LSAMP: variants seen among roughly 807,000 people sequenced by gnomAD.
The protein encoded by LSAMP is limbic system-associated membrane protein.
Under a neutral mutation model 38.6 loss-of-function variants are expected in LSAMP, and 7 were observed. The ratio of observed to expected loss-of-function variants is 0.18; its 90% confidence interval spans 0.10 to 0.34. LSAMP has a LOEUF of 0.34. LSAMP is among the 10% of genes least tolerant of loss of function. The pLI is 1.00. For synonymous variants in LSAMP, 154 were observed against 166.8 expected, an observed-to-expected ratio of 0.92 and a Z score of 0.59; for missense variants, 313 against 420.0, an observed-to-expected ratio of 0.75 and a Z score of 2.23.
intron 3 of LSAMP, among the ~76,000 whole-genome samples, chr3:115,872,292 C>T (rs562315439): frequency 6.6e-6 from 1 of 152,240 alleles, no homozygotes; most frequent in South Asian, 2.1e-4. Context: ...CTCCATTCTC[C>T]TAAATCAAAG....
intron 1 of LSAMP, among the ~76,000 whole-genome samples, chr3:116,331,933 G>A (rs2047858459): frequency 6.6e-6 from 1 of 151,928 alleles, no homozygotes; most frequent in East Asian, 1.9e-4. Context: ...GAAGATCTGG[G>A]CTCAAAAAGT....
At chr3:116,086,589 A>C in intron 1 of LSAMP, 33 bp from the exon 2 acceptor site, 1 of 1,527,976 alleles carries the variant, frequency 6.5e-7, no homozygotes, top group South Asian at 1.1e-5. Flanking sequence ...TTAGTGCCTT[A>C]ACAACAACTA....
At chr3:116,089,794 A>C (rs894013862) in intron 1 of LSAMP, among the ~76,000 whole-genome samples, 1 of 152,112 alleles carries the variant, frequency 6.6e-6, no homozygotes, top group Admixed American at 6.5e-5. Context: ...CAATGGAAAA[A>C]AAATAAATAA....
intron 2 of LSAMP, among the ~76,000 whole-genome samples, chr3:116,045,209 T>A (rs1941264374): frequency 6.6e-6 from 1 of 152,220 alleles, no homozygotes. Context: ...GCATGTAGAA[T>A]AAAAGAGAAG....
At chr3:116,412,845 T>C (rs1328286875) in intron 1 of LSAMP, among the ~76,000 whole-genome samples, 1 of 152,104 alleles carries the variant, frequency 6.6e-6, no homozygotes, top group Non-Finnish European at 1.5e-5. Context: ...ATCAGTATAG[T>C]ATTGGAAAGA....
At chr3:115,830,991 G>A (rs757523370) in intron 6 of LSAMP, among the ~76,000 whole-genome samples, 2 of 152,148 alleles carry the variant, frequency 1.3e-5, no homozygotes, top group Non-Finnish European at 2.9e-5. Flanking sequence ...GCTTGTTTGT[G>A]GTTTGGATTT....
intron 1 of LSAMP, among the ~76,000 whole-genome samples, chr3:116,412,782 A>G: frequency 6.6e-6 from 1 of 152,134 alleles, no homozygotes; most frequent in East Asian, 1.9e-4. Context: ...CCTAAACATC[A>G]AAAAGAAAAT....
chr3:115,802,918 G>C lies in LSAMP; in HGVS notation c.*7399C>G, dbSNP rs1933548338. 6.6e-6 allele frequency: 1 copy of C among 152,078 alleles called. No individual in the cohort carries two copies. Among genetic ancestry groups the C allele is most frequent in the East Asian group, 1.9e-4 (1 of 5,174 alleles). The allele number at this position is 152,078 out of a possible 1,614,324, so 9.4% of individuals were successfully genotyped here. ...CCTCCCTACTCCAAGTAAATACTTAGGGAGCAGAACTTGGCCACAGTTCAC... is the reference window on the plus strand; with the variant it reads ...CCTCCCTACTCCAAGTAAATACTTACGGAGCAGAACTTGGCCACAGTTCAC... On this transcript the variant is annotated 3_prime_UTR_variant, in exon 7 of 7. Coordinates refer to ENST00000490035, the MANE Select transcript of LSAMP (RefSeq NM_002338.5).
intron 2 of LSAMP, among the ~76,000 whole-genome samples, chr3:116,057,957 C>CACACACACACACACACACACCCA (rs1553699978): frequency 8.5e-6 from 1 of 117,482 alleles, no homozygotes; most frequent in African/African-American, 2.8e-5. Flanking sequence ...ACACACACAC[C>CACACACACACACACACACACCCA]CACACACACA....
intron 1 of LSAMP, among the ~76,000 whole-genome samples, chr3:116,264,886 A>G (rs536098891): frequency 6.6e-6 from 1 of 152,264 alleles, no homozygotes; most frequent in Admixed American, 6.5e-5. Context: ...GGGAAAAAAA[A>G]AAGAGTTTTC....
chr3:115,903,041 A>G (rs1453554973), intron 3 of LSAMP, among the ~76,000 whole-genome samples: 1 of 152,162 alleles, frequency 6.6e-6, no homozygotes, highest in Non-Finnish European at 1.5e-5. Context: ...GCACGCATAT[A>G]TTCACTGCAG....
chr3:116,174,045 T>C (rs889552106), intron 1 of LSAMP, among the ~76,000 whole-genome samples: 2 of 152,002 alleles, frequency 1.3e-5, no homozygotes, highest in African/African-American at 2.4e-5. Flanking sequence ...GATTTGTGCA[T>C]TGTCACAGGT....
At chr3:115,922,242 T>C (rs1303084418) in intron 3 of LSAMP, among the ~76,000 whole-genome samples, 1 of 152,070 alleles carries the variant, frequency 6.6e-6, no homozygotes, top group Non-Finnish European at 1.5e-5. Context: ...ATAAGTGCCT[T>C]AGGTTTTCTT....
intron 1 of LSAMP, among the ~76,000 whole-genome samples, chr3:116,243,209 C>T (rs954657691): frequency 2.0e-5 from 3 of 152,092 alleles, no homozygotes; most frequent in African/African-American, 7.2e-5. Context: ...CCCAAGATAT[C>T]AACTGAGGCA....
intron 1 of LSAMP, among the ~76,000 whole-genome samples, chr3:116,087,459 A>G (rs1708017422): frequency 1.3e-5 from 2 of 152,224 alleles, no homozygotes; most frequent in Admixed American, 6.5e-5. Context: ...AGAGTCTTGC[A>G]ATGGAAAAAT....
At chr3:116,216,560 G>T (rs1220685383) in intron 1 of LSAMP, among the ~76,000 whole-genome samples, 1 of 142,474 alleles carries the variant, frequency 7.0e-6, no homozygotes, top group Non-Finnish European at 1.6e-5. Context: ...CAAAGAATGA[G>T]AAAAAAAAAA....
chr3:116,273,063 C>G (rs1576474150), intron 1 of LSAMP, among the ~76,000 whole-genome samples: 1 of 152,048 alleles, frequency 6.6e-6, no homozygotes, highest in Admixed American at 6.6e-5. Context: ...TCACTGTTCG[C>G]TCAAAGGTCA....
chr3:115,812,840 G>T (rs1255178559), intron 6 of LSAMP, among the ~76,000 whole-genome samples: 1 of 152,152 alleles, frequency 6.6e-6, no homozygotes, highest in Non-Finnish European at 1.5e-5. Flanking sequence ...GGAGCTGAAT[G>T]ATATCTTGGG....
intron 3 of LSAMP, among the ~76,000 whole-genome samples, chr3:115,861,182 C>T (rs1047751833): frequency 3.0e-5 from 4 of 133,524 alleles, no homozygotes; most frequent in East Asian, 4.6e-4. Context: ...TCCTTCCTTC[C>T]TTCCTTCCTT....
Sources: allele counts gnomAD v4.1 joint callset (sites outside exome capture counted in the v4.1 genomes callset), GRCh38; gene constraint gnomAD v4.1.1; transcripts MANE v1.5; gene names NCBI Gene and HGNC (gene_info 2026-07-23, HGNC 2026-07-21).